PCDHA1: variants seen among roughly 807,000 people sequenced by gnomAD.
The protein encoded by PCDHA1 is protocadherin alpha 1.
PCDHA1 carries 42 observed loss-of-function variants against 61.3 expected under a neutral mutation model. That is an observed-to-expected ratio of 0.69 (90% confidence interval 0.54 to 0.89). PCDHA1 has a LOEUF of 0.89. Ranked by LOEUF, PCDHA1 falls within the 40% of genes least tolerant of loss-of-function variation. PCDHA1 has a pLI of 0.00. For missense variants in PCDHA1, 1,256 were observed against 1,235.3 expected, an observed-to-expected ratio of 1.02 and a Z score of -0.25; for synonymous variants, 610 against 553.8, an observed-to-expected ratio of 1.10 and a Z score of -1.43.
chr5:140,966,859 G>A, intron 1 of PCDHA1: 1 of 1,577,136 alleles, frequency 6.3e-7, no homozygotes. Flanking sequence ...TCCTGCTGCT[G>A]TTGCTGCTGC....
chr5:140,989,775 C>G (rs1286076429), intron 3 of PCDHA1, among the ~76,000 whole-genome samples: 1 of 152,178 alleles, frequency 6.6e-6, no homozygotes, highest in Non-Finnish European at 1.5e-5. Flanking sequence ...CAAGCACTGG[C>G]TAGAGACTAG....
intron 1 of PCDHA1, among the ~76,000 whole-genome samples, chr5:140,844,460 A>T (rs1188717335): frequency 6.7e-6 from 1 of 148,896 alleles, no homozygotes; most frequent in Non-Finnish European, 1.5e-5. Context: ...TCGCCAACTT[A>T]ACATTTTTTG....
intron 3 of PCDHA1, among the ~76,000 whole-genome samples, chr5:141,005,547 C>A (rs2098220537): frequency 6.6e-6 from 1 of 150,736 alleles, no homozygotes; most frequent in South Asian, 2.1e-4. Flanking sequence ...ACTAAAAATA[C>A]AAAAATTAGC....
intron 1 of PCDHA1, among the ~76,000 whole-genome samples, chr5:140,911,235 A>G (rs1426271043): frequency 1.3e-5 from 2 of 152,146 alleles, no homozygotes; most frequent in Non-Finnish European, 2.9e-5. Flanking sequence ...TTCTTCTGGC[A>G]AAAAAAGTTT....
At chr5:140,837,494 T>C (rs2150275990) in intron 1 of PCDHA1, among the ~76,000 whole-genome samples, 2,176 of 141,154 alleles carry the variant, frequency 0.015, 60 homozygotes, top group African/African-American at 0.056. Flanking sequence ...ACTTTACCTT[T>C]CTGAATTTCT....
chr5:140,858,663 C>A, intron 1 of PCDHA1: 1 of 735,366 alleles, frequency 1.4e-6, no homozygotes, highest in Non-Finnish European at 2.1e-6. Flanking sequence ...TTTTAAATAA[C>A]AATTTATTCT....
At chr5:140,978,897 G>A in intron 1 of PCDHA1, 52 bp from the exon 2 acceptor site, 2 of 1,612,776 alleles carry the variant, frequency 1.2e-6, no homozygotes, top group South Asian at 1.1e-5. Flanking sequence ...AGCATTCCTG[G>A]GAGAACATTG....
chr5:140,808,000 A>G (rs1764079769), intron 1 of PCDHA1: 1 of 1,613,752 alleles, frequency 6.2e-7, no homozygotes, highest in Non-Finnish European at 8.5e-7. Context: ...ATTTAGACGA[A>G]GGATTGAATG....
At chr5:140,941,214 C>CTTTCTTTCTTTCTTTCTTT (rs1554214039) in intron 1 of PCDHA1, among the ~76,000 whole-genome samples, 2,124 of 122,372 alleles carry the variant, frequency 0.017, 57 homozygotes, top group East Asian at 0.032. Flanking sequence ...TTTCTTTCTT[C>CTTTCTTTCTTTCTTTCTTT]CTTTCTTTCT....
At chr5:140,857,704 G>T in intron 1 of PCDHA1, 1 of 1,597,424 alleles carries the variant, frequency 6.3e-7, no homozygotes, top group Admixed American at 1.7e-5. Flanking sequence ...CGCTGCAGGT[G>T]TTCGTGCTGG....
chr5:140,787,574 G>T lies in PCDHA1; in HGVS notation c.1284G>T (p.Arg428=). 6.2e-7 allele frequency: 1 copy of T among 1,614,228 alleles called. No homozygotes were observed. The highest frequency in any genetic ancestry group is 8.5e-7 in the Non-Finnish European group (1 of 1,180,046). Residue 428 remains arginine, a synonymous_variant, in exon 1 of 4, where the codon CGG becomes CGT. Transcript: ENST00000504120. ...LSVYELVVTA[R]DGGSPSLWAT... is the part of the protein sequence containing the mutation. ...TCTATGAGCTGGTGGTGACCGCGCG[G>T]GACGGGGGCTCGCCTTCGCTGTGGG...
chr5:140,850,382 C>T (rs2150481725), intron 1 of PCDHA1: 2 of 1,597,874 alleles, frequency 1.3e-6, no homozygotes, highest in East Asian at 2.2e-5. Context: ...TGTACACGGG[C>T]GAGATCAGCA....
intron 1 of PCDHA1, chr5:140,871,124 C>T (rs782035990): frequency 1.9e-6 from 3 of 1,613,326 alleles, no homozygotes; most frequent in Non-Finnish European, 8.5e-7. Context: ...AGCGGACAGG[C>T]GCCAAAGGCC....
At chr5:140,994,720 A>C (rs2097647295) in intron 3 of PCDHA1, among the ~76,000 whole-genome samples, 1 of 152,160 alleles carries the variant, frequency 6.6e-6, no homozygotes. Flanking sequence ...AAAATTTAAA[A>C]TACTGGGTAT....
At chr5:140,854,131 C>T in intron 1 of PCDHA1, 1 of 404,286 alleles carries the variant, frequency 2.5e-6, no homozygotes, top group Non-Finnish European at 3.3e-6. Flanking sequence ...AACTGCATTT[C>T]AGCCCGGGTG....
intron 1 of PCDHA1, chr5:140,926,893 A>G: frequency 1.3e-6 from 2 of 1,547,320 alleles, no homozygotes; most frequent in Non-Finnish European, 1.7e-6. Context: ...TAGAGGGAGG[A>G]TGGTGGGCTG....
In PCDHA1 at chr5:140,936,310, T is replaced by C. The variant is rs541948860; in HGVS notation, c.2395-42639T>C. 5.3e-5 allele frequency among the ~76,000 whole-genome samples: 8 copies of C among 152,318 alleles called. No individual in the cohort carries two copies. The South Asian group carries it at 1.4e-3, about 28-fold the overall frequency. ...TATAACATTGCTATCCAATAGAACT[T>C]TCTGACATGCTATAAATTTTCTCTA... On this transcript the variant is annotated intron_variant, in intron 1 of 3. Transcript: ENST00000504120.
intron 1 of PCDHA1, among the ~76,000 whole-genome samples, chr5:140,923,304 G>A (rs933906504): frequency 6.6e-6 from 1 of 152,172 alleles, no homozygotes; most frequent in African/African-American, 2.4e-5. Context: ...TGGGCGTGGG[G>A]GCGCTTGGCC....
chr5:140,949,161 C>T (rs2094347975), intron 1 of PCDHA1, among the ~76,000 whole-genome samples: 1 of 151,598 alleles, frequency 6.6e-6, no homozygotes, highest in Admixed American at 6.6e-5. Context: ...TAATCTAATT[C>T]TCTTTTGGTC....
Sources: allele counts gnomAD v4.1 joint callset (sites outside exome capture counted in the v4.1 genomes callset), GRCh38; gene constraint gnomAD v4.1.1; transcripts MANE v1.5; gene names NCBI Gene and HGNC (gene_info 2026-07-23, HGNC 2026-07-21).